Variants in SLC7A11 observed in about 807,000 individuals in gnomAD.
The protein encoded by SLC7A11 is solute carrier family 7 member 11.
In SLC7A11, 35 loss-of-function variants were observed where a neutral mutation model predicts 54.5. That is an observed-to-expected ratio of 0.64 (90% CI 0.49 to 0.85). SLC7A11 has a LOEUF of 0.85. Among genes scored for constraint, SLC7A11 ranks in the 40% least tolerant of loss-of-function variants. The pLI is 0.00. For missense variants in SLC7A11, 583 were observed against 618.1 expected, an observed-to-expected ratio of 0.94 and a Z score of 0.60; for synonymous variants, 230 against 225.2, an observed-to-expected ratio of 1.02 and a Z score of -0.19.
intron 11 of SLC7A11, chr4:138,177,229 G>A (rs1039671864): frequency 1.3e-5 from 2 of 151,900 alleles, no homozygotes; most frequent in African/African-American, 2.4e-5. Context: ...AGTAACACTG[G>A]CATTATTTAT....
chr4:138,229,460 C>T (rs1270062969), intron 3 of SLC7A11, among the ~76,000 whole-genome samples: 8 of 152,124 alleles, frequency 5.3e-5, no homozygotes, highest in Non-Finnish European at 1.2e-4. Flanking sequence ...TTTCTTTCTC[C>T]GAATTTCAAG....
intron 2 of SLC7A11, among the ~76,000 whole-genome samples, chr4:138,235,718 A>AT (rs77482828): frequency 0.073 from 11,117 of 152,262 alleles, 915 homozygotes; most frequent in East Asian, 0.41. Flanking sequence ...ATTCAGTGTG[A>AT]TTTTAAACCA....
intron 10 of SLC7A11, 80 bp from the exon 11 acceptor site, chr4:138,179,474 T>C: frequency 1.6e-6 from 2 of 1,222,740 alleles, no homozygotes; most frequent in Middle Eastern, 1.9e-4. Context: ...GTGTCAGTCA[T>C]GACATATACT....
intron 2 of SLC7A11, 98 bp downstream of exon 2, chr4:138,236,227 A>C: frequency 2.1e-6 from 2 of 973,782 alleles, no homozygotes; most frequent in Non-Finnish European, 3.0e-6. Flanking sequence ...TCATGTAGTC[A>C]CATGACATGC....
At chr4:138,211,227 T>C (rs1293581848) in intron 6 of SLC7A11, among the ~76,000 whole-genome samples, 1 of 151,786 alleles carries the variant, frequency 6.6e-6, no homozygotes, top group African/African-American at 2.4e-5. Flanking sequence ...CAATAAATAC[T>C]GGGGACTACT....
rs1277312935 is a variant in SLC7A11, at chr4:138,164,671, C to T, written c.*7285G>A. ...GTATTAAATTTGTATAAAATACACACAATCCCCTCTACTAAGTTTCATGAT... is the reference window on the plus strand; with the variant it reads ...GTATTAAATTTGTATAAAATACACATAATCCCCTCTACTAAGTTTCATGAT... On this transcript the variant is annotated 3_prime_UTR_variant, in exon 12 of 12. Coordinates refer to ENST00000280612, the MANE Select transcript of SLC7A11 (RefSeq NM_014331.4). 6.6e-6 allele frequency: 1 copy of T among 152,120 alleles called. No individual in the cohort carries two copies. Among genetic ancestry groups the T allele is most frequent in the African/African-American group, 2.4e-5 (1 of 41,440 alleles). 9.4% of individuals were successfully genotyped at this position (152,120 alleles called of 1,614,324 possible).
chr4:138,231,816 G>A (rs1223315435), intron 3 of SLC7A11, among the ~76,000 whole-genome samples: 2 of 151,888 alleles, frequency 1.3e-5, no homozygotes, highest in Non-Finnish European at 2.9e-5. Context: ...CCAACAACAG[G>A]CAGCTGACAT....
intron 3 of SLC7A11, among the ~76,000 whole-genome samples, chr4:138,231,263 T>C (rs550381059): frequency 1.8e-4 from 27 of 152,216 alleles, no homozygotes; most frequent in Non-Finnish European, 3.1e-4. Flanking sequence ...ATGGTTACAC[T>C]AAAAGCCCAG....
In SLC7A11 at chr4:138,232,254, C is replaced by A; in HGVS notation, c.520+13G>T. ...TGTTTTTCCTTTTTCACATATATAG[C>A]TATAATACTCACTTATGCCCACAGC... On this transcript the variant is annotated intron_variant, in intron 3 of 11. Coordinates refer to ENST00000280612, the MANE Select transcript of SLC7A11 (RefSeq NM_014331.4). 1 of 1,473,758 alleles carries A rather than the reference C, an allele frequency of 6.8e-7. No individual in the cohort carries two copies. Among genetic ancestry groups the A allele is most frequent in the Admixed American group, 1.7e-5 (1 of 59,820 alleles). The allele number at this position is 1,473,758 out of a possible 1,614,324, so 91.3% of individuals were successfully genotyped here.
chr4:138,195,525 A>G (rs997256126), intron 6 of SLC7A11, among the ~76,000 whole-genome samples: 4 of 152,110 alleles, frequency 2.6e-5, no homozygotes, highest in African/African-American at 9.7e-5. Context: ...CAAGACATGG[A>G]GGACCCTCTC....
In SLC7A11 at chr4:138,182,332, G is replaced by A. The variant is rs577147876; in HGVS notation, c.1081C>T (p.Arg361Cys). 56 of 1,611,478 alleles carry A rather than the reference G, an allele frequency of 3.5e-5. No homozygotes were observed. In the Middle Eastern group the frequency reaches 6.6e-4, roughly 19 times the overall value. ...LPEILSMIHVRKHTPLPAVIV... is the reference protein window; with the variant it reads ...LPEILSMIHVCKHTPLPAVIV... ...ACAGCTGGTAGAGGAGTGTGCTTGCGGACATGAATCATGGAGAGGATTTCT... is the reference window on the plus strand; with the variant it reads ...ACAGCTGGTAGAGGAGTGTGCTTGCAGACATGAATCATGGAGAGGATTTCT... Residue 361 changes from arginine (R) to cysteine (C), a missense_variant, in exon 9 of 12, where the codon CGC becomes TGC. By Grantham distance (180) the Arg-to-Cys change is radical. Transcript: ENST00000280612.
chr4:138,232,225 G>A, intron 3 of SLC7A11, 42 bp downstream of exon 3: 2 of 1,248,796 alleles, frequency 1.6e-6, no homozygotes, highest in Non-Finnish European at 2.4e-6. Context: ...AATCATTTTT[G>A]TGTTGTTTTT....
intron 6 of SLC7A11, among the ~76,000 whole-genome samples, chr4:138,196,298 G>T (rs893631486): frequency 2.0e-5 from 3 of 152,166 alleles, no homozygotes; most frequent in African/African-American, 7.2e-5. Flanking sequence ...AGCCACCAGT[G>T]GGGAGTTGGG....
Position 138,191,912 on chromosome 4 carries a change from T to C in SLC7A11, c.792-6668A>G, listed in dbSNP as rs781067008. Among the ~76,000 whole-genome samples, 7 of 152,042 alleles carry C rather than the reference T, an allele frequency of 4.6e-5. No individual in the cohort carries two copies. In the South Asian group the frequency reaches 8.3e-4, roughly 18 times the overall value. ...GAAGTTCTAGTGTACAAAAGCAAAA[T>C]TGGTTTTAAATAAAATACTAACAAA... On this transcript the variant is annotated intron_variant, in intron 6 of 11. Coordinates refer to ENST00000280612, the MANE Select transcript of SLC7A11 (RefSeq NM_014331.4).
rs1737582965 is a variant in SLC7A11 at position 138,212,822 on chromosome 4, T to C, written c.791+1763A>G. On this transcript the variant is annotated intron_variant, in intron 6 of 11. Coordinates refer to ENST00000280612, the MANE Select transcript of SLC7A11 (RefSeq NM_014331.4). ...TTATATCTACACCACTGATGAATCATATAATAAATGTTATGTTATAGGTCT... is the reference window on the plus strand; with the variant it reads ...TTATATCTACACCACTGATGAATCACATAATAAATGTTATGTTATAGGTCT... Among the ~76,000 whole-genome samples the C allele has an allele frequency of 2.0e-5, 3 of 152,114 alleles. 1 individual carries two copies. In the South Asian group the frequency reaches 6.2e-4, roughly 31 times the overall value.
chr4:138,183,352 G>C, intron 7 of SLC7A11, 47 bp from the exon 8 acceptor site: 1 of 1,290,948 alleles, frequency 7.7e-7, no homozygotes, highest in Non-Finnish European at 1.1e-6. Flanking sequence ...CCAGAAAGTG[G>C]AATAAAATGA....
intron 3 of SLC7A11, 60 bp from the exon 4 acceptor site, chr4:138,223,384 G>C (rs545914725): frequency 6.3e-7 from 1 of 1,581,098 alleles, no homozygotes; most frequent in South Asian, 1.1e-5. Flanking sequence ...AGACATTTTA[G>C]GTCCTTGTTA....
chr4:138,227,028 A>C lies in SLC7A11; in HGVS notation c.521-3704T>G, dbSNP rs111761011. Among the ~76,000 whole-genome samples the C allele has an allele frequency of 8.4e-3, 1,285 of 152,318 alleles. 18 individuals are homozygous for C. The highest frequency in any genetic ancestry group is 0.029 in the African/African-American group (1,222 of 41,566). On this transcript the variant is annotated intron_variant, in intron 3 of 11. Transcript: ENST00000280612. ...AGATAAGAAATACATATTTGAAGGAAGCTATATTTGAAGAGGATGTTTAGG... is the reference window on the plus strand; with the variant it reads ...AGATAAGAAATACATATTTGAAGGACGCTATATTTGAAGAGGATGTTTAGG...
intron 6 of SLC7A11, among the ~76,000 whole-genome samples, chr4:138,208,925 G>A (rs563840017): frequency 3.9e-5 from 6 of 152,122 alleles, no homozygotes; most frequent in Non-Finnish European, 8.8e-5. Flanking sequence ...CATTATAAAT[G>A]TAATCACACA....
Sources: gnomAD v4.1 joint callset for allele counts (sites outside exome capture counted in the v4.1 genomes callset) on GRCh38, gnomAD v4.1.1 for gene constraint, MANE v1.5 for transcripts, NCBI Gene and HGNC (gene_info 2026-07-23, HGNC 2026-07-21) for gene names.